The following EYS variants were observed in gnomAD, a reference collection of about 807,000 sequenced individuals.
EYS encodes protein eyes shut homolog.
A neutral mutation model predicts 282.1 loss-of-function variants in EYS; 250 were observed. The ratio of observed to expected loss-of-function variants is 0.89; its 90% CI spans 0.80 to 0.98. EYS has a LOEUF of 0.98. Ranked by LOEUF, EYS falls within the 50% of genes least tolerant of loss-of-function variation. EYS has a pLI of 0.00. For synonymous variants in EYS, 1,355 were observed against 1,282.9 expected, an observed-to-expected ratio of 1.06 and a Z score of -1.20; for missense variants, 4,016 against 3,709.0, an observed-to-expected ratio of 1.08 and a Z score of -2.15.
intron 18 of EYS, among the ~76,000 whole-genome samples, chr6:64,889,284 T>C (rs1453289420): frequency 6.6e-6 from 1 of 152,052 alleles, no homozygotes; most frequent in Non-Finnish European, 1.5e-5. Context: ...ACTTGTTGCA[T>C]AAGTTAATGG....
At chr6:63,915,786 T>G (rs1338794423) in intron 35 of EYS, among the ~76,000 whole-genome samples, 1 of 152,130 alleles carries the variant, frequency 6.6e-6, no homozygotes, top group Non-Finnish European at 1.5e-5. Flanking sequence ...GCAGATGTGG[T>G]GAAAAAGCAA....
At chr6:65,692,417 AAAG>A (rs1302292713) in intron 1 of EYS, among the ~76,000 whole-genome samples, 7 of 150,390 alleles carry the variant, frequency 4.7e-5, no homozygotes, top group Admixed American at 3.3e-4. Flanking sequence ...ATAAAATTAA[AAAG>A]AAGCAGAATA....
intron 35 of EYS, among the ~76,000 whole-genome samples, chr6:63,949,982 G>A (rs1385358950): frequency 6.6e-6 from 1 of 152,074 alleles, no homozygotes; most frequent in Non-Finnish European, 1.5e-5. Context: ...GACCAGCCTG[G>A]CCAAGATGGT....
At chr6:64,193,709 T>G (rs1562247060) in intron 31 of EYS, among the ~76,000 whole-genome samples, 1 of 152,056 alleles carries the variant, frequency 6.6e-6, no homozygotes, top group Non-Finnish European at 1.5e-5. Flanking sequence ...GTCCAAGTGT[T>G]CTCATTGTTC....
chr6:65,347,865 C>T (rs1326469767), intron 9 of EYS, among the ~76,000 whole-genome samples: 2 of 151,514 alleles, frequency 1.3e-5, no homozygotes, highest in African/African-American at 4.8e-5. Context: ...TCTATCCCCA[C>T]TTCCATCCAC....
rs140515184 is a variant in EYS at position 64,338,205 on chromosome 6, C to T, written c.6079-31123G>A. Among the ~76,000 whole-genome samples, 361 of 151,852 alleles carry T rather than the reference C, an allele frequency of 2.4e-3. 1 individual carries two copies. The highest frequency in any genetic ancestry group is 8.3e-3 in the African/African-American group (346 of 41,484). ...AAGTCAAACTGTCACTGTTTGCTGA[C>T]AATATGATTGTTTACCTCGAAAACC... On this transcript the variant is annotated intron_variant, in intron 29 of 42. Transcript: ENST00000503581.
chr6:64,457,790 T>C (rs1183939806), intron 26 of EYS, among the ~76,000 whole-genome samples: 1 of 128,116 alleles, frequency 7.8e-6, no homozygotes, highest in Non-Finnish European at 1.6e-5. Flanking sequence ...TGGGTCATTT[T>C]TTTTCCCCCC....
chr6:64,426,653 A>G (rs1229621920), intron 28 of EYS, among the ~76,000 whole-genome samples: 1 of 152,034 alleles, frequency 6.6e-6, no homozygotes, highest in Non-Finnish European at 1.5e-5. Flanking sequence ...AAAAGGATGG[A>G]GTCTAGCGGT....
At chr6:65,361,533 T>C (rs1764710114) in intron 8 of EYS, among the ~76,000 whole-genome samples, 1 of 150,196 alleles carries the variant, frequency 6.7e-6, no homozygotes, top group Non-Finnish European at 1.5e-5. Flanking sequence ...CAGGCTGGAA[T>C]GCAGTAGTGC....
intron 2 of EYS, among the ~76,000 whole-genome samples, chr6:65,568,188 A>G (rs938811484): frequency 1.2e-4 from 19 of 152,234 alleles, no homozygotes; most frequent in Non-Finnish European, 2.5e-4. Context: ...TTCCTGATCC[A>G]TATCCATTCA....
rs184105578 is a variant in EYS, at chr6:65,367,779, C to T, written c.1300-14162G>A. 4.0e-4 allele frequency among the ~76,000 whole-genome samples: 60 copies of T among 151,758 alleles called. 1 individual carries two copies. Among genetic ancestry groups the T allele is most frequent in the Middle Eastern group, 3.4e-3 (1 of 294 alleles). ...CCCTTAAACATTTCTTACTCTATAG[C>T]TAATATCAATTATTATAGCCAATCA... On this transcript the variant is annotated intron_variant, in intron 8 of 42. Coordinates refer to ENST00000503581, the MANE Select transcript of EYS (RefSeq NM_001142800.2).
chr6:65,034,168 C>A (rs758474204), intron 13 of EYS, among the ~76,000 whole-genome samples: 1 of 152,144 alleles, frequency 6.6e-6, no homozygotes, highest in Non-Finnish European at 1.5e-5. Flanking sequence ...AATGCCTATA[C>A]CCCCATTGTA....
intron 34 of EYS, among the ~76,000 whole-genome samples, chr6:63,991,522 A>C (rs147301477): frequency 1.7e-4 from 26 of 151,748 alleles, no homozygotes; most frequent in African/African-American, 5.8e-4. Flanking sequence ...AAAGAGGACC[A>C]ACCAAAAATT....
chr6:64,582,801 A>G (rs1766116570), intron 26 of EYS, among the ~76,000 whole-genome samples: 1 of 152,142 alleles, frequency 6.6e-6, no homozygotes, highest in Admixed American at 6.6e-5. Context: ...CAAATAATGA[A>G]TGATCTGGAA....
At chr6:64,329,496 C>T (rs1770560127) in intron 29 of EYS, among the ~76,000 whole-genome samples, 1 of 151,692 alleles carries the variant, frequency 6.6e-6, no homozygotes, top group Non-Finnish European at 1.5e-5. Flanking sequence ...TGCATTTTGC[C>T]AGTGGGAAAA....
At chr6:65,186,556 T>C (rs1765521549) in intron 12 of EYS, among the ~76,000 whole-genome samples, 4 of 151,748 alleles carry the variant, frequency 2.6e-5, no homozygotes. Flanking sequence ...AAATACAGAC[T>C]GAAATGACAA....
intron 29 of EYS, among the ~76,000 whole-genome samples, chr6:64,320,254 T>C (rs565788392): frequency 6.6e-6 from 1 of 151,996 alleles, no homozygotes; most frequent in Non-Finnish European, 1.5e-5. Context: ...AATTTTGTTA[T>C]TATTTCTTCA....
chr6:65,691,337 GA>G (rs1769234579), intron 1 of EYS, among the ~76,000 whole-genome samples: 2 of 150,362 alleles, frequency 1.3e-5, no homozygotes, highest in Admixed American at 1.3e-4. Context: ...GACCAGTGAT[GA>G]TGAGCTTTTT....
chr6:64,805,504 T>C (rs984879465), intron 22 of EYS, among the ~76,000 whole-genome samples: 3 of 151,884 alleles, frequency 2.0e-5, no homozygotes, highest in Non-Finnish European at 4.4e-5. Context: ...CTAGGTATTT[T>C]GAAAGGCAAA....
Sources: allele counts gnomAD v4.1 joint callset (sites outside exome capture counted in the v4.1 genomes callset), GRCh38; gene constraint gnomAD v4.1.1; transcripts MANE v1.5; gene names NCBI Gene and HGNC (gene_info 2026-07-23, HGNC 2026-07-21).